Variants in FOXC2 observed in about 807,000 individuals in gnomAD.
FOXC2 encodes the protein forkhead box protein C2.
A neutral mutation model predicts 7.2 loss-of-function variants in FOXC2; 7 were observed. The ratio of observed to expected loss-of-function variants is 0.97; its 90% confidence interval spans 0.55 to 1.81. The LOEUF (loss-of-function observed/expected upper bound fraction) is 1.81. Among genes scored for constraint, FOXC2 ranks in the 40% most tolerant of loss-of-function variants. The pLI is 0.00. For missense variants in FOXC2, 846 were observed against 741.2 expected (o/e 1.14, Z -1.64); for synonymous variants, 436 against 350.4 (o/e 1.24, Z -2.73).
Position 86,568,761 on chromosome 16 carries a change from A to C in FOXC2, c.1426A>C (p.Ser476Arg), listed in dbSNP as rs865930279. 1.2e-6 allele frequency: 2 copies of C among 1,612,818 alleles called. No individual in the cohort carries two copies. Among genetic ancestry groups the C allele is most frequent in the African/African-American group, 2.7e-5 (2 of 74,900 alleles). The change falls in exon 1 of 1, where the codon AGC (serine) becomes CGC (arginine). Residue 476 changes from serine (S) to arginine (R), a missense_variant. Physicochemically the swap from Ser to Arg is moderately radical, Grantham distance 110. Transcript: ENST00000649859. This position sits in a 1 kb window ranked among gnomAD's most constrained non-coding sequence, Gnocchi z 5.2. Reference protein sequence around the residue: ...LGESQVSGNASCQLPYRSTPP... With the variant: ...LGESQVSGNARCQLPYRSTPP... ...GGAGTCCCAGGTGAGTGGCAATGCC[A>C]GCTGCCAGCTGCCCTACAGATCCAC...
rs1974226155 is a variant in FOXC2, at chr16:86,568,139, T to C, written c.804T>C (p.Pro268=). Residue 268 remains proline, a synonymous_variant, in exon 1 of 1, where the codon CCT becomes CCC. Transcript: ENST00000649859. The surrounding 1 kb of genome is among the most constrained non-coding windows in gnomAD (Gnocchi z 5.2). ...EHHAAAPNGL[P]GFSVENIMTL... ...ACGCCGCGGCGCCCAACGGGCTGCC[T>C]GGCTTCAGCGTGGAGAACATCATGA... 1.9e-5 allele frequency: 26 copies of C among 1,348,220 alleles called. No individual in the cohort carries two copies. The highest frequency in any genetic ancestry group is 2.4e-5 in the Non-Finnish European group (25 of 1,058,780). The allele number at this position is 1,348,220 out of a possible 1,614,324, so 83.5% of individuals were successfully genotyped here.
In FOXC2 at chr16:86,569,150, G is replaced by T; in HGVS notation, c.*309G>T. The T allele has an allele frequency of 4.1e-6, 2 of 490,442 alleles. No individual in the cohort carries two copies. The highest frequency in any genetic ancestry group is 3.8e-6 in the Non-Finnish European group (1 of 260,018). 30.4% of individuals were successfully genotyped at this position (490,442 alleles called of 1,614,324 possible). A position where few individuals can be genotyped will look rare whatever the true frequency, so the allele number is the denominator to read the frequency against. On this transcript the variant is annotated 3_prime_UTR_variant, in exon 1 of 1. Transcript: ENST00000649859. Reference sequence around the variant, plus strand: ...AGGACGGCTGTGCTGTGCTCGACCTGAGCTTTCAAAAGTTAAGTTATGGAC... The same window carrying T: ...AGGACGGCTGTGCTGTGCTCGACCTTAGCTTTCAAAAGTTAAGTTATGGAC...
Position 86,568,235 on chromosome 16 carries a change from G to A in FOXC2, c.900G>A (p.Pro300=). 8 of 1,273,518 alleles carry A rather than the reference G, an allele frequency of 6.3e-6. No homozygotes were observed. Among genetic ancestry groups the A allele is most frequent in the Admixed American group, 3.9e-5 (1 of 25,604 alleles). 78.9% of individuals were successfully genotyped at this position (1,273,518 alleles called of 1,614,324 possible). A position where few individuals can be genotyped will look rare whatever the true frequency, so the allele number is the denominator to read the frequency against. ...GACGCGCGGGCCTGGTGGTGCCGCC[G>A]CTGGCGCTGCCCTACGCCGCCGCGC... ...GAGRAGLVVP[P]LALPYAAAPP... The change falls in exon 1 of 1, where the codon CCG becomes CCA. Residue 300 remains proline, a synonymous_variant. Transcript: ENST00000649859. This position sits in a 1 kb window ranked among gnomAD's most constrained non-coding sequence, Gnocchi z 5.2.
Position 86,568,781 on chromosome 16 carries a change from A to T in FOXC2, c.1446A>T (p.Arg482Ser), listed in dbSNP as rs1413198036. Residue 482 changes from arginine to serine, a missense_variant, in exon 1 of 1, where the codon AGA becomes AGT. By Grantham distance (110) the Arg-to-Ser change is moderately radical (BLOSUM62 -1). Around this residue, in one of 3 missense-constraint regions of FOXC2, gnomAD observed 640 missense variants for 503.2 expected, o/e 1.27. Coordinates refer to ENST00000649859, the MANE Select transcript of FOXC2 (RefSeq NM_005251.3). The surrounding 1 kb of genome is among the most constrained non-coding windows in gnomAD (Gnocchi z 5.2). Reference sequence around the variant, plus strand: ...ATGCCAGCTGCCAGCTGCCCTACAGATCCACGCCGCCTCTCTATCGCCACG... The same window carrying T: ...ATGCCAGCTGCCAGCTGCCCTACAGTTCCACGCCGCCTCTCTATCGCCACG... ...SGNASCQLPY[R>S]STPPLYRHAA... 1.9e-6 allele frequency: 3 copies of T among 1,612,376 alleles called. No individual in the cohort carries two copies. Among genetic ancestry groups the T allele is most frequent in the Non-Finnish European group, 2.5e-6 (3 of 1,179,868 alleles).
Position 86,567,234 on chromosome 16 carries a change from TC to T in FOXC2, c.-97del, listed in dbSNP as rs1177059852. 29 of 1,374,304 alleles carry T rather than the reference TC, an allele frequency of 2.1e-5. No individual in the cohort carries two copies. Among genetic ancestry groups the T allele is most frequent in the Non-Finnish European group, 2.7e-5 (27 of 993,470 alleles). The allele number at this position is 1,374,304 out of a possible 1,614,324, so 85.1% of individuals were successfully genotyped here. The stretch of plus-strand genomic sequence containing the variant: ...GGCCGCCCCTCCCGCTCCCCTCCTC[TC>T]CCCCTCTGGCTCTCTCGCGCTCTCT... On this transcript the variant is annotated 5_prime_UTR_variant, in exon 1 of 1. Coordinates refer to ENST00000649859, the MANE Select transcript of FOXC2 (RefSeq NM_005251.3).
chr16:86,568,186 G>C lies in FOXC2; in HGVS notation c.851G>C (p.Gly284Ala), dbSNP rs1438469067. 2 of 1,285,860 alleles carry C rather than the reference G, an allele frequency of 1.6e-6. No homozygotes were observed. Among genetic ancestry groups the C allele is most frequent in the East Asian group, 6.4e-5 (2 of 31,162 alleles). The allele number at this position is 1,285,860 out of a possible 1,614,324, so 79.7% of individuals were successfully genotyped here. ...ATGACCCTGCGAACGTCGCCGCCGG[G>C]CGGAGAGCTGAGCCCGGGGGCCGGA... ...NIMTLRTSPPGGELSPGAGRA... is the reference protein window; with the variant it reads ...NIMTLRTSPPAGELSPGAGRA... Residue 284 changes from glycine (G) to alanine (A), a missense_variant, in exon 1 of 1, where the codon GGC becomes GCC. Gly to Ala is a moderately conservative substitution (Grantham distance 60). Coordinates refer to ENST00000649859, the MANE Select transcript of FOXC2 (RefSeq NM_005251.3). This position sits in a 1 kb window ranked among gnomAD's most constrained non-coding sequence, Gnocchi z 5.2.
rs752755575 is a variant in FOXC2 at position 86,567,390 on chromosome 16, C to T, written c.55C>T (p.Leu19=). ...CAACGCCCTGGGAGTGGTGCCCTAC[C>T]TGAGCGAGCAGAATTACTACCGGGC... The part of the protein sequence containing the change: ...DPNALGVVPY[L]SEQNYYRAAG... The change falls in exon 1 of 1, where the codon CTG becomes TTG. Residue 19 remains leucine (L), a synonymous_variant. Transcript: ENST00000649859. 4 of 1,613,264 alleles carry T rather than the reference C, an allele frequency of 2.5e-6. No homozygotes were observed. Among genetic ancestry groups the T allele is most frequent in the East Asian group, 4.5e-5 (2 of 44,850 alleles).
chr16:86,567,542 C>G lies in FOXC2; in HGVS notation c.207C>G (p.Asp69Glu), dbSNP rs1444609081. 1 of 1,613,782 alleles carries G rather than the reference C, an allele frequency of 6.2e-7. No homozygotes were observed. The highest frequency in any genetic ancestry group is 8.5e-7 in the Non-Finnish European group (1 of 1,179,908). Reference protein sequence around the residue: ...YHHHQPAAPKDLVKPPYSYIA... With the variant: ...YHHHQPAAPKELVKPPYSYIA... ...ACCACCAGCCCGCGGCGCCTAAGGA[C>G]CTGGTGAAGCCGCCCTACAGCTACA... Residue 69 changes from aspartate to glutamate, a missense_variant, in exon 1 of 1, where the codon GAC becomes GAG. Physicochemically the swap from Asp to Glu is conservative, Grantham distance 45 (BLOSUM62 2). Around this residue, in one of 3 missense-constraint regions of FOXC2, gnomAD observed 154 missense variants for 134.2 expected, o/e 1.15. Transcript: ENST00000649859.
chr16:86,567,526 C>A lies in FOXC2; in HGVS notation c.191C>A (p.Pro64His), dbSNP rs369622966. Residue 64 changes from proline (P) to histidine (H), a missense_variant, in exon 1 of 1, where the codon CCC becomes CAC. Coordinates refer to ENST00000649859, the MANE Select transcript of FOXC2 (RefSeq NM_005251.3). ...RSYAPYHHHQ[P>H]AAPKDLVKPP... ...TACGCGCCCTACCACCACCACCAGC[C>A]CGCGGCGCCTAAGGACCTGGTGAAG... 1 of 1,614,122 alleles carries A rather than the reference C, an allele frequency of 6.2e-7. No individual in the cohort carries two copies.
Position 86,567,286 on chromosome 16 carries a change from C to T in FOXC2, c.-50C>T, listed in dbSNP as rs1389939063. The T allele has an allele frequency of 6.8e-6, 11 of 1,608,388 alleles. No individual in the cohort carries two copies. The highest frequency in any genetic ancestry group is 3.3e-5 in the South Asian group (3 of 90,828). ...CGCTCTCAGGGCCCCCCTCGCTCCC[C>T]CGGCCGCAGTCCGTGCGCGAGGGCG... On this transcript the variant is annotated 5_prime_UTR_variant, in exon 1 of 1. Transcript: ENST00000649859.
chr16:86,567,506 G>A lies in FOXC2; in HGVS notation c.171G>A (p.Ala57=), dbSNP rs112024556. Reference sequence around the variant, plus strand: ...GCGCGGGGATGGGCCGCTCCTACGCGCCCTACCACCACCACCAGCCCGCGG... The same window carrying A: ...GCGCGGGGATGGGCCGCTCCTACGCACCCTACCACCACCACCAGCCCGCGG... ...QYSAGMGRSY[A]PYHHHQPAAP... The change falls in exon 1 of 1, where the codon GCG becomes GCA. Residue 57 remains alanine (A), a synonymous_variant. Coordinates refer to ENST00000649859, the MANE Select transcript of FOXC2 (RefSeq NM_005251.3). The A allele has an allele frequency of 6.2e-7, 1 of 1,613,862 alleles. No individual in the cohort carries two copies. Among genetic ancestry groups the A allele is most frequent in the African/African-American group, 1.3e-5 (1 of 74,944 alleles).
chr16:86,569,110 T>G lies in FOXC2; in HGVS notation c.*269T>G, dbSNP rs1359074003. On this transcript the variant is annotated 3_prime_UTR_variant, in exon 1 of 1. Coordinates refer to ENST00000649859, the MANE Select transcript of FOXC2 (RefSeq NM_005251.3). ...AACAAAATGAGTATTGATCTTAAAA[T>G]CCCCCTCCCCTACCAGGACGGCTGT... 5.4e-6 allele frequency: 3 copies of G among 560,356 alleles called. No homozygotes were observed. Among genetic ancestry groups the G allele is most frequent in the Admixed American group, 6.2e-5 (2 of 32,158 alleles). The allele number at this position is 560,356 out of a possible 1,614,324, so 34.7% of individuals were successfully genotyped here. A position where few individuals can be genotyped will look rare whatever the true frequency, so the allele number is the denominator to read the frequency against.
Position 86,567,228 on chromosome 16 carries a change from C to A in FOXC2, c.-108C>A. ...GCCCGGGGCCGCCCCTCCCGCTCCC[C>A]TCCTCTCCCCCTCTGGCTCTCTCGC... On this transcript the variant is annotated 5_prime_UTR_variant, in exon 1 of 1. Coordinates refer to ENST00000649859, the MANE Select transcript of FOXC2 (RefSeq NM_005251.3). 1 of 1,341,272 alleles carries A rather than the reference C, an allele frequency of 7.5e-7. No homozygotes were observed. The highest frequency in any genetic ancestry group is 1.0e-6 in the Non-Finnish European group (1 of 968,244). The allele number at this position is 1,341,272 out of a possible 1,614,324, so 83.1% of individuals were successfully genotyped here. A position where few individuals can be genotyped will look rare whatever the true frequency, so the allele number is the denominator to read the frequency against.
At position 86,568,203 on chromosome 16, in the gene FOXC2, G is replaced by C; in HGVS notation, c.868G>C (p.Gly290Arg). 1.6e-6 allele frequency: 2 copies of C among 1,278,496 alleles called. No individual in the cohort carries two copies. The highest frequency in any genetic ancestry group is 2.0e-6 in the Non-Finnish European group (2 of 1,020,076). 79.2% of individuals were successfully genotyped at this position (1,278,496 alleles called of 1,614,324 possible). ...GCCGCCGGGCGGAGAGCTGAGCCCG[G>C]GGGCCGGACGCGCGGGCCTGGTGGT... The part of the protein sequence containing the change: ...TSPPGGELSP[G>R]AGRAGLVVPP... Residue 290 changes from glycine (G) to arginine (R), a missense_variant, in exon 1 of 1, where the codon GGG becomes CGG. Gly to Arg is a moderately radical substitution (Grantham distance 125). This residue lies in a region of FOXC2 where 640 missense variants were observed against 503.2 expected (regional missense o/e 1.27). Transcript: ENST00000649859. The surrounding 1 kb of genome is among the most constrained non-coding windows in gnomAD (Gnocchi z 5.2).
At position 86,568,793 on chromosome 16, in the gene FOXC2, T is replaced by C. The variant is rs1974240374; in HGVS notation, c.1458T>C (p.Pro486=). ...SCQLPYRSTP[P]LYRHAAPYSY... The stretch of plus-strand genomic sequence containing the variant: ...AGCTGCCCTACAGATCCACGCCGCC[T>C]CTCTATCGCCACGCAGCCCCCTACT... Residue 486 remains proline (P), a synonymous_variant, in exon 1 of 1, where the codon CCT becomes CCC. Transcript: ENST00000649859. The surrounding 1 kb of genome is among the most constrained non-coding windows in gnomAD (Gnocchi z 5.2). 1 of 1,612,596 alleles carries C rather than the reference T, an allele frequency of 6.2e-7. No individual in the cohort carries two copies. Among genetic ancestry groups the C allele is most frequent in the South Asian group, 1.1e-5 (1 of 91,072 alleles).
In FOXC2 at chr16:86,569,064, C is replaced by A. The variant is rs900526698; in HGVS notation, c.*223C>A. The A allele has an allele frequency of 3.2e-6, 2 of 628,026 alleles. No individual in the cohort carries two copies. The highest frequency in any genetic ancestry group is 5.7e-6 in the Non-Finnish European group (2 of 349,166). 38.9% of individuals were successfully genotyped at this position (628,026 alleles called of 1,614,324 possible). On this transcript the variant is annotated 3_prime_UTR_variant, in exon 1 of 1. Transcript: ENST00000649859. ...CCCCGTTTCTGGGATCCCAGGAAACCCCTCCAAAGGGACGCAGCCCAACAA... is the reference window on the plus strand; with the variant it reads ...CCCCGTTTCTGGGATCCCAGGAAACACCTCCAAAGGGACGCAGCCCAACAA...
In FOXC2 at chr16:86,569,668, T is replaced by TA. The variant is rs1196854337; in HGVS notation, c.*828dup. ...ACTCTAACTTCATCTGTGTTTGTCT[T>TA]ACGTGGTCTTAATCGTTGTACTTAC... On this transcript the variant is annotated 3_prime_UTR_variant, in exon 1 of 1. Coordinates refer to ENST00000649859, the MANE Select transcript of FOXC2 (RefSeq NM_005251.3). 1 of 166,822 alleles carries TA rather than the reference T, an allele frequency of 6.0e-6. No homozygotes were observed. The highest frequency in any genetic ancestry group is 2.4e-5 in the African/African-American group (1 of 41,430). 10.3% of individuals were successfully genotyped at this position (166,822 alleles called of 1,614,324 possible).
chr16:86,569,195 C>A lies in FOXC2; in HGVS notation c.*354C>A. 1 of 397,554 alleles carries A rather than the reference C, an allele frequency of 2.5e-6. No individual in the cohort carries two copies. Among genetic ancestry groups the A allele is most frequent in the Non-Finnish European group, 4.9e-6 (1 of 203,316 alleles). 24.6% of individuals were successfully genotyped at this position (397,554 alleles called of 1,614,324 possible). On this transcript the variant is annotated 3_prime_UTR_variant, in exon 1 of 1. Coordinates refer to ENST00000649859, the MANE Select transcript of FOXC2 (RefSeq NM_005251.3). ...ATGGACCAAATCCCATAGCGAGCCC[C>A]TAGTGACTTTCTGTAGGGGTCCCCA...
At position 86,569,187 on chromosome 16, in the gene FOXC2, G is replaced by A; in HGVS notation, c.*346G>A. ...GTTAAGTTATGGACCAAATCCCATAGCGAGCCCCTAGTGACTTTCTGTAGG... is the reference window on the plus strand; with the variant it reads ...GTTAAGTTATGGACCAAATCCCATAACGAGCCCCTAGTGACTTTCTGTAGG... On this transcript the variant is annotated 3_prime_UTR_variant, in exon 1 of 1. Transcript: ENST00000649859. 1 of 410,224 alleles carries A rather than the reference G, an allele frequency of 2.4e-6. No homozygotes were observed. Among genetic ancestry groups the A allele is most frequent in the Non-Finnish European group, 4.7e-6 (1 of 210,892 alleles). 25.4% of individuals were successfully genotyped at this position (410,224 alleles called of 1,614,324 possible). A position where few individuals can be genotyped will look rare whatever the true frequency, so the allele number is the denominator to read the frequency against.
Sources: gnomAD v4.1 joint callset for allele counts on GRCh38, gnomAD v4.1.1 for gene constraint, gnomAD v4.1.1 regional missense constraint, Gnocchi (gnomAD v3.1) non-coding constraint, MANE v1.5 for transcripts, NCBI Gene and HGNC (gene_info 2026-07-23, HGNC 2026-07-21) for gene names.